RASGRF2: variants seen among roughly 807,000 people sequenced by gnomAD.
The protein encoded by RASGRF2 is Ras protein specific guanine nucleotide releasing factor 2.
In RASGRF2, 76 loss-of-function variants were observed where a neutral mutation model predicts 151.0. The observed-to-expected ratio is 0.50, with a 90% CI of 0.42 to 0.61. The LOEUF is 0.61. Among genes scored for constraint, RASGRF2 ranks in the 20% least tolerant of loss-of-function variants. The pLI is 0.00. For synonymous variants in RASGRF2, 504 were observed against 566.5 expected (o/e 0.89, Z 1.57); for missense variants, 1,148 against 1,564.6 (o/e 0.73, Z 4.49).
At chr5:81,154,789 T>C (rs539995500) in intron 17 of RASGRF2, among the ~76,000 whole-genome samples, 25 of 152,352 alleles carry the variant, frequency 1.6e-4, no homozygotes, top group Admixed American at 9.1e-4. Context: ...CCTTTGTGTA[T>C]ATATACACAC....
At chr5:81,089,229 TTA>T (rs1415509959) in intron 9 of RASGRF2, among the ~76,000 whole-genome samples, 2 of 152,214 alleles carry the variant, frequency 1.3e-5, no homozygotes, top group African/African-American at 2.4e-5. Flanking sequence ...TTAAAAAAAT[TTA>T]GAGGGATTCT....
At chr5:81,085,710 A>C in intron 7 of RASGRF2, 92 bp from the exon 8 acceptor site, 2 of 1,552,802 alleles carry the variant, frequency 1.3e-6, no homozygotes, top group Non-Finnish European at 1.7e-6. Context: ...GAGAGTAGAG[A>C]CAAGCTTCTC....
intron 24 of RASGRF2, chr5:81,216,951 T>G (rs1198535349): frequency 2.2e-6 from 1 of 455,466 alleles, no homozygotes; most frequent in South Asian, 1.6e-5. Flanking sequence ...ACTGCATGGA[T>G]TTTTCCATCT....
rs114581673 is a variant in RASGRF2, at chr5:81,172,030, G to A, written c.2687-8145G>A. On this transcript the variant is annotated intron_variant, in intron 17 of 26. Coordinates refer to ENST00000265080, the MANE Select transcript of RASGRF2 (RefSeq NM_006909.3). The stretch of plus-strand genomic sequence containing the variant: ...ATGAGTTGGCACGCAGGTGGTATGT[G>A]TCAGTGGGAGGAGCCTGCATTTTAG... 2.6e-3 allele frequency among the ~76,000 whole-genome samples: 397 copies of A among 152,314 alleles called. 3 individuals carry two copies. The highest frequency in any genetic ancestry group is 9.2e-3 in the African/African-American group (382 of 41,570).
chr5:81,073,850 C>T (rs1037873781), intron 5 of RASGRF2, among the ~76,000 whole-genome samples: 1 of 152,174 alleles, frequency 6.6e-6, no homozygotes, highest in Admixed American at 6.5e-5. Flanking sequence ...ATCTCCTGAC[C>T]TCGTGATCTG....
intron 26 of RASGRF2, among the ~76,000 whole-genome samples, chr5:81,221,775 A>G (rs1755861573): frequency 1.3e-5 from 2 of 152,132 alleles, no homozygotes; most frequent in Admixed American, 6.5e-5. Flanking sequence ...TCAGGAGTTC[A>G]AGACCAGCCT....
At position 81,123,801 on chromosome 5, in the gene RASGRF2, G is replaced by A. The variant is rs151108370; in HGVS notation, c.2596+34G>A. On this transcript the variant is annotated intron_variant, in intron 16 of 26. Transcript: ENST00000265080. ...TCAAGAGGGACTCAGAAATAGAAAC[G>A]TGAAAAATGATTTCTAGCTTCTGAA... 1.0e-4 allele frequency: 163 copies of A among 1,582,626 alleles called. No individual in the cohort carries two copies. The East Asian group carries it at 3.4e-3, about 33-fold the overall frequency.
chr5:81,109,216 CAT>C (rs1752930940), intron 13 of RASGRF2, 138 bp downstream of exon 13: 2 of 1,384,460 alleles, frequency 1.4e-6, no homozygotes, highest in Non-Finnish European at 9.4e-7. Flanking sequence ...TGCAGTGATT[CAT>C]ATGATTCCAT....
At chr5:81,008,008 A>G (rs1408606076) in intron 1 of RASGRF2, among the ~76,000 whole-genome samples, 2 of 152,054 alleles carry the variant, frequency 1.3e-5, no homozygotes, top group African/African-American at 2.4e-5. Context: ...GTCTTCATCT[A>G]TGGTAAACAC....
Position 81,040,415 on chromosome 5 carries a change from A to G in RASGRF2, c.289-2462A>G, listed in dbSNP as rs552489222. On this transcript the variant is annotated intron_variant, in intron 1 of 26. Coordinates refer to ENST00000265080, the MANE Select transcript of RASGRF2 (RefSeq NM_006909.3). ...TTTATAATGTCTTACTACTACTGAT[A>G]GTAATATTATAACTAGTATTTGATA... Among the ~76,000 whole-genome samples, 15 of 152,392 alleles carry G rather than the reference A, an allele frequency of 9.8e-5. No individual in the cohort carries two copies. In the East Asian group the frequency reaches 2.9e-3, roughly 29 times the overall value.
intron 12 of RASGRF2, among the ~76,000 whole-genome samples, chr5:81,100,351 A>G (rs1369004542): frequency 2.0e-5 from 3 of 152,110 alleles, no homozygotes; most frequent in Non-Finnish European, 4.4e-5. Context: ...AGTTTCCCAT[A>G]AGAAACTCTA....
rs749445369 is a variant in RASGRF2 at position 80,960,907 on chromosome 5, G to C, written c.169G>C (p.Glu57Gln). 1 of 1,606,088 alleles carries C rather than the reference G, an allele frequency of 6.2e-7. No homozygotes were observed. The highest frequency in any genetic ancestry group is 8.5e-7 in the Non-Finnish European group (1 of 1,174,480). The change falls in exon 1 of 27, where the codon GAG becomes CAG. Residue 57 changes from glutamate (E) to glutamine (Q), a missense_variant. This residue lies in a region of RASGRF2 where 221 missense variants were observed against 271.3 expected (regional missense o/e 0.81). Transcript: ENST00000265080. The surrounding 1 kb of genome is among the most constrained non-coding windows in gnomAD (Gnocchi z 5.5). ...GAATGTGCTCTTCTACTTCGAGGGC[G>C]AGCAGAGCTGCCGCCCGGCGGGCAT... Reference protein sequence around the residue: ...YQNVLFYFEGEQSCRPAGMYL... With the variant: ...YQNVLFYFEGQQSCRPAGMYL...
At chr5:81,125,666 C>A (rs1300882827) in intron 16 of RASGRF2, among the ~76,000 whole-genome samples, 1 of 152,182 alleles carries the variant, frequency 6.6e-6, no homozygotes, top group Non-Finnish European at 1.5e-5. Context: ...AAATGCTGTT[C>A]AAGGCGTTAC....
At chr5:81,051,989 C>T (rs377000010) in intron 2 of RASGRF2, among the ~76,000 whole-genome samples, 12 of 152,170 alleles carry the variant, frequency 7.9e-5, no homozygotes, top group East Asian at 7.7e-4. Flanking sequence ...CACTTATTTT[C>T]GTTGCTTTTT....
At chr5:81,046,022 T>C (rs1750824292) in intron 2 of RASGRF2, among the ~76,000 whole-genome samples, 1 of 152,222 alleles carries the variant, frequency 6.6e-6, no homozygotes, top group African/African-American at 2.4e-5. Context: ...TCAGTACTGC[T>C]GCCTTTCTAA....
chr5:81,155,757 T>G (rs1195505553), intron 17 of RASGRF2, among the ~76,000 whole-genome samples: 1 of 152,138 alleles, frequency 6.6e-6, no homozygotes, highest in Non-Finnish European at 1.5e-5. Flanking sequence ...AACAGAGGGC[T>G]TCAGAGTCCT....
intron 2 of RASGRF2, among the ~76,000 whole-genome samples, chr5:81,066,060 G>A (rs1751591215): frequency 6.6e-6 from 1 of 151,996 alleles, no homozygotes; most frequent in African/African-American, 2.4e-5. Flanking sequence ...TAACACTGAT[G>A]TAATATATTT....
At chr5:81,180,088 A>G in intron 17 of RASGRF2, 87 bp from the exon 18 acceptor site, 1 of 745,680 alleles carries the variant, frequency 1.3e-6, no homozygotes. Context: ...GAGTTTCGTT[A>G]ACCAATGTCC....
intron 2 of RASGRF2, among the ~76,000 whole-genome samples, chr5:81,047,204 A>G (rs1202181257): frequency 6.6e-6 from 1 of 152,142 alleles, no homozygotes; most frequent in African/African-American, 2.4e-5. Context: ...GAAGAGTATG[A>G]TTATCGCTGG....
Sources: gnomAD v4.1 joint callset for allele counts (sites outside exome capture counted in the v4.1 genomes callset) on GRCh38, gnomAD v4.1.1 for gene constraint, gnomAD v4.1.1 regional missense constraint, Gnocchi (gnomAD v3.1) non-coding constraint, MANE v1.5 for transcripts, NCBI Gene and HGNC (gene_info 2026-07-23, HGNC 2026-07-21) for gene names.